The following MACF1 variants were observed in gnomAD, a reference collection of about 807,000 sequenced individuals.
MACF1 encodes microtubule-actin cross-linking factor 1.
In MACF1, 193 loss-of-function variants were observed where a neutral mutation model predicts 854.8. That is an observed-to-expected ratio of 0.23 (90% CI 0.20 to 0.25). The LOEUF (loss-of-function observed/expected upper bound fraction) is 0.25. Among genes scored for constraint, MACF1 ranks in the 10% least tolerant of loss-of-function variants. The probability of loss-of-function intolerance (pLI) is 1.00; values close to 1 mark genes in which losing one functional copy is unlikely to be tolerated. For missense variants in MACF1, 7,722 were observed against 8,929.1 expected (o/e 0.86, Z 5.45); for synonymous variants, 3,185 against 3,226.7 (o/e 0.99, Z 0.44).
intron 2 of MACF1, among the ~76,000 whole-genome samples, chr1:39,187,895 T>TCTGTCTCTCTCTCTCTGTCTCTC (rs1553160207): frequency 1.5e-5 from 1 of 68,398 alleles, no homozygotes; most frequent in East Asian, 5.0e-4. Flanking sequence ...TCTCTCTCTC[T>TCTGTCTCTCTCTCTCTGTCTCTC]CTCTCTCCTC....
At chr1:39,359,287 T>C (rs1428600168) in intron 47 of MACF1, 23 bp downstream of exon 47, 1 of 1,612,758 alleles carries the variant, frequency 6.2e-7, no homozygotes, top group African/African-American at 1.3e-5. Flanking sequence ...AACAGTATAA[T>C]AGTACTCCCT....
At chr1:39,351,989 C>G (rs1049258304) in intron 43 of MACF1, among the ~76,000 whole-genome samples, 2 of 152,128 alleles carry the variant, frequency 1.3e-5, no homozygotes, top group Admixed American at 6.6e-5. Flanking sequence ...CGAGCTGCCT[C>G]TATAGTTACG....
intron 49 of MACF1, among the ~76,000 whole-genome samples, chr1:39,363,446 A>C (rs980748697): frequency 6.6e-6 from 1 of 152,130 alleles, no homozygotes; most frequent in South Asian, 2.1e-4. Context: ...TCTTCCTTAC[A>C]AAAAAGAAGG....
intron 58 of MACF1, among the ~76,000 whole-genome samples, chr1:39,391,343 C>T (rs1017257995): frequency 6.6e-6 from 1 of 152,040 alleles, no homozygotes; most frequent in Non-Finnish European, 1.5e-5. Context: ...AATTACTGTG[C>T]ACTTTGATTT....
chr1:39,365,751 C>G (rs1469881436), intron 49 of MACF1, among the ~76,000 whole-genome samples: 2 of 151,826 alleles, frequency 1.3e-5, no homozygotes, highest in East Asian at 1.9e-4. Flanking sequence ...TCTTGGCTCA[C>G]TGCAACCTCT....
intron 98 of MACF1, among the ~76,000 whole-genome samples, chr1:39,480,629 C>CT (rs1019263833): frequency 2.7e-5 from 4 of 150,508 alleles, no homozygotes; most frequent in African/African-American, 9.8e-5. Context: ...GACTCTGTCT[C>CT]TAAAAAATAA....
intron 95 of MACF1, among the ~76,000 whole-genome samples, chr1:39,467,583 G>C (rs1644696887): frequency 6.6e-6 from 1 of 152,010 alleles, no homozygotes; most frequent in Non-Finnish European, 1.5e-5. Context: ...GAATGTTTGG[G>C]CAAGAAAAAA....
chr1:39,269,610 G>T (rs1424766249), intron 6 of MACF1: 1 of 1,289,730 alleles, frequency 7.8e-7, no homozygotes, highest in Non-Finnish European at 1.0e-6. Flanking sequence ...ACACATACAT[G>T]GGATCCAGCC....
chr1:39,253,972 C>T (rs2148337364), intron 4 of MACF1, among the ~76,000 whole-genome samples: 1 of 152,346 alleles, frequency 6.6e-6, no homozygotes, highest in African/African-American at 2.4e-5. Context: ...TTCCCATTAA[C>T]CTCACATCCA....
intron 97 of MACF1, among the ~76,000 whole-genome samples, chr1:39,477,512 C>T (rs1644931866): frequency 6.6e-6 from 1 of 151,946 alleles, no homozygotes. Flanking sequence ...CATGAGACAC[C>T]ACACCCAGCC....
chr1:39,373,640 G>T (rs563116316), intron 52 of MACF1, among the ~76,000 whole-genome samples: 60 of 151,618 alleles, frequency 4.0e-4, no homozygotes, highest in African/African-American at 1.4e-3. Flanking sequence ...ATCACTTGAG[G>T]TCGGGAGTTC....
chr1:39,484,504 A>T, intron 99 of MACF1, 97 bp from the exon 100 acceptor site: 1 of 1,057,106 alleles, frequency 9.5e-7, no homozygotes, highest in Non-Finnish European at 1.4e-6. Flanking sequence ...CTTTTCAACT[A>T]AGCAAATATA....
At chr1:39,313,954 C>T (rs1358985146) in intron 26 of MACF1, among the ~76,000 whole-genome samples, 1 of 152,164 alleles carries the variant, frequency 6.6e-6, no homozygotes, top group Non-Finnish European at 1.5e-5. Flanking sequence ...CTTCCAGGTT[C>T]ATCTTGCTTT....
At chr1:39,130,522 G>A (rs1199451351) in intron 2 of MACF1, among the ~76,000 whole-genome samples, 1 of 152,166 alleles carries the variant, frequency 6.6e-6, no homozygotes, top group Non-Finnish European at 1.5e-5. Context: ...CTGACAGTAG[G>A]GAAAAGTTAG....
At chr1:39,314,533 T>C (rs1332073296) in intron 26 of MACF1, among the ~76,000 whole-genome samples, 1 of 149,554 alleles carries the variant, frequency 6.7e-6, no homozygotes, top group South Asian at 2.2e-4. Flanking sequence ...TATTTATTGA[T>C]CTCTCAATTT....
chr1:39,393,196 A>AAAAAATATATATATATATAT (rs57576149), intron 58 of MACF1, among the ~76,000 whole-genome samples: 1 of 66,564 alleles, frequency 1.5e-5, no homozygotes, highest in African/African-American at 8.4e-5. Context: ...AAAAAAAAAA[A>AAAAAATATATATATATATAT]ATATATATAT....
Position 39,334,957 on chromosome 1 carries a change from G to A in MACF1, c.8369G>A (p.Gly2790Glu). ...EVCALQNEFL[G>E]KDMLIACNQT... ...TGTGCATTACAAAATGAATTTCTAGGAAAGGATATGTTAATTGCTTGTAAT... is the reference window on the plus strand; with the variant it reads ...TGTGCATTACAAAATGAATTTCTAGAAAAGGATATGTTAATTGCTTGTAAT... Residue 2790 changes from glycine to glutamate, a missense_variant, in exon 37 of 101, where the codon GGA (glycine) becomes GAA (glutamate). This residue lies in a region of MACF1 where 1,531 missense variants were observed against 1,601.6 expected (regional missense o/e 0.96). Transcript: ENST00000564288. The A allele has an allele frequency of 6.2e-7, 1 of 1,614,154 alleles. No individual in the cohort carries two copies. The highest frequency in any genetic ancestry group is 2.2e-5 in the East Asian group (1 of 44,874).
At chr1:39,456,492 C>T (rs1212803811) in intron 89 of MACF1, among the ~76,000 whole-genome samples, 3 of 152,196 alleles carry the variant, frequency 2.0e-5, no homozygotes, top group Admixed American at 6.5e-5. Flanking sequence ...GGCTAAGCTA[C>T]GATGTTCCAT....
intron 2 of MACF1, among the ~76,000 whole-genome samples, chr1:39,092,697 A>G (rs1641835473): frequency 6.6e-6 from 1 of 152,186 alleles, no homozygotes; most frequent in South Asian, 2.1e-4. Flanking sequence ...CAGAAACAAG[A>G]ATGATCAATT....
Sources: gnomAD v4.1 joint callset for allele counts (sites outside exome capture counted in the v4.1 genomes callset) on GRCh38, gnomAD v4.1.1 for gene constraint, gnomAD v4.1.1 regional missense constraint, MANE v1.5 for transcripts, NCBI Gene and HGNC (gene_info 2026-07-23, HGNC 2026-07-21) for gene names.